The following TMEM132D variants were observed in gnomAD, a reference collection of about 807,000 sequenced individuals.
TMEM132D encodes transmembrane protein 132D, also known as mature OL transmembrane protein.
A neutral mutation model predicts 62.3 loss-of-function variants in TMEM132D; 21 were observed. The observed-to-expected ratio is 0.34, with a 90% confidence interval of 0.24 to 0.49. The LOEUF is 0.49. TMEM132D is among the 20% of genes least tolerant of loss of function. The probability of loss-of-function intolerance (pLI) is 0.99; values close to 1 mark genes in which losing one functional copy is unlikely to be tolerated. For synonymous variants in TMEM132D, 621 were observed against 575.6 expected, an observed-to-expected ratio of 1.08 and a Z score of -1.13; for missense variants, 1,346 against 1,402.8, an observed-to-expected ratio of 0.96 and a Z score of 0.65.
intron 1 of TMEM132D, among the ~76,000 whole-genome samples, chr12:129,766,782 G>A (rs1870567446): frequency 6.6e-6 from 1 of 152,078 alleles, no homozygotes; most frequent in African/African-American, 2.4e-5. Context: ...GCCCCTCTGT[G>A]TTGCCTTTGT....
intron 2 of TMEM132D, among the ~76,000 whole-genome samples, chr12:129,674,733 G>T (rs192798300): frequency 1.3e-5 from 2 of 152,176 alleles, no homozygotes; most frequent in Admixed American, 6.5e-5. Context: ...TACAGATGGG[G>T]TTTCACTATG....
intron 3 of TMEM132D, among the ~76,000 whole-genome samples, chr12:129,463,722 G>C (rs1417949385): frequency 6.6e-6 from 1 of 151,800 alleles, no homozygotes; most frequent in Admixed American, 6.6e-5. Flanking sequence ...AGAACATGCG[G>C]TGTTCGGTTT....
At chr12:129,847,971 C>T (rs1262702417) in intron 1 of TMEM132D, among the ~76,000 whole-genome samples, 2 of 152,076 alleles carry the variant, frequency 1.3e-5, no homozygotes, top group African/African-American at 2.4e-5. Context: ...CACAGCTGAG[C>T]TCATCGGCTC....
intron 2 of TMEM132D, among the ~76,000 whole-genome samples, chr12:129,593,194 CT>C (rs1207574162): frequency 2.0e-5 from 3 of 152,200 alleles, no homozygotes; most frequent in African/African-American, 7.2e-5. Flanking sequence ...TTGGAAAGTC[CT>C]TCTGACTTTC....
rs117653655 is a variant in TMEM132D at position 129,619,588 on chromosome 12, C to A, written c.968+80222G>T. On this transcript the variant is annotated intron_variant, in intron 2 of 8. Coordinates refer to ENST00000422113, the MANE Select transcript of TMEM132D (RefSeq NM_133448.3). ...CACCACCCATTTGATTTTTTAACTT[C>A]CGCCAAATTGCCTTCATTTAAACTC... Among the ~76,000 whole-genome samples the A allele has an allele frequency of 8.3e-4, 127 of 152,282 alleles. No homozygotes were observed. In the East Asian group the frequency reaches 0.02, roughly 23 times the overall value.
chr12:129,430,035 A>G (rs1402403046), intron 3 of TMEM132D, among the ~76,000 whole-genome samples: 1 of 152,160 alleles, frequency 6.6e-6, no homozygotes, highest in Non-Finnish European at 1.5e-5. Flanking sequence ...TAGTGCCACT[A>G]TAAACATACG....
chr12:129,184,053 A>T (rs771853031), intron 5 of TMEM132D, among the ~76,000 whole-genome samples: 63 of 152,158 alleles, frequency 4.1e-4, no homozygotes, highest in Non-Finnish European at 8.7e-4. Flanking sequence ...GAGAAAAAAA[A>T]AGCTAGGCTG....
At chr12:129,830,991 T>A (rs1313801943) in intron 1 of TMEM132D, among the ~76,000 whole-genome samples, 1 of 152,090 alleles carries the variant, frequency 6.6e-6, no homozygotes, top group Non-Finnish European at 1.5e-5. Context: ...CTTCCCTCCC[T>A]CCTGGGCTCA....
chr12:129,769,492 A>C (rs924251056), intron 1 of TMEM132D, among the ~76,000 whole-genome samples: 1 of 152,202 alleles, frequency 6.6e-6, no homozygotes, highest in Non-Finnish European at 1.5e-5. Flanking sequence ...TACGGGAGCT[A>C]CAATTCAAGA....
At chr12:129,607,061 T>C (rs1304444552) in intron 2 of TMEM132D, among the ~76,000 whole-genome samples, 2 of 147,240 alleles carry the variant, frequency 1.4e-5, no homozygotes, top group Non-Finnish European at 3.0e-5. Context: ...TTTTCTTTCT[T>C]TCTTTCTTTC....
At chr12:129,733,664 G>A (rs1488466447) in intron 1 of TMEM132D, among the ~76,000 whole-genome samples, 2 of 150,826 alleles carry the variant, frequency 1.3e-5, no homozygotes, top group Admixed American at 6.6e-5. Context: ...GAAAACAATC[G>A]CTCTGGTTAC....
intron 5 of TMEM132D, among the ~76,000 whole-genome samples, chr12:129,129,217 C>T (rs368978488): frequency 6.6e-6 from 1 of 151,976 alleles, no homozygotes; most frequent in East Asian, 1.9e-4. Flanking sequence ...GTTTAGCTCC[C>T]CCTTATAAGT....
intron 5 of TMEM132D, among the ~76,000 whole-genome samples, chr12:129,123,297 A>G (rs760883302): frequency 2.0e-5 from 3 of 151,968 alleles, no homozygotes; most frequent in Non-Finnish European, 1.5e-5. Context: ...TGCTTATAGA[A>G]TTTTCCAGCT....
Position 129,565,297 on chromosome 12 carries a change from T to G in TMEM132D, c.969-34092A>C, listed in dbSNP as rs777936543. On this transcript the variant is annotated intron_variant, in intron 2 of 8. Transcript: ENST00000422113. ...GAAACCTCACACAGAAGCAGGAAAC[T>G]AGACCTAGACAAAAGCAGGGACTTG... is the stretch of plus-strand genomic sequence containing the variant. 7.2e-5 allele frequency among the ~76,000 whole-genome samples: 11 copies of G among 152,290 alleles called. No homozygotes were observed. The East Asian group carries it at 2.1e-3, about 29-fold the overall frequency.
intron 4 of TMEM132D, among the ~76,000 whole-genome samples, chr12:129,285,897 A>G (rs889225164): frequency 1.2e-4 from 18 of 152,000 alleles, no homozygotes; most frequent in African/African-American, 4.4e-4. Flanking sequence ...TCCAATCTAG[A>G]TTTGCTTTAG....
At chr12:129,574,905 G>A (rs73437702) in intron 2 of TMEM132D, among the ~76,000 whole-genome samples, 4,432 of 151,794 alleles carry the variant, frequency 0.029, 313 homozygotes, top group African/African-American at 0.1. Flanking sequence ...AGAAGCAGCC[G>A]GATTGCCAGG....
At chr12:129,228,697 G>A (rs191646145) in intron 4 of TMEM132D, among the ~76,000 whole-genome samples, 11 of 152,230 alleles carry the variant, frequency 7.2e-5, no homozygotes, top group Middle Eastern at 3.4e-3. Flanking sequence ...TCAGTGTTTC[G>A]TTCCTTTCAC....
At chr12:129,868,913 A>G (rs1276594099) in intron 1 of TMEM132D, among the ~76,000 whole-genome samples, 3 of 152,090 alleles carry the variant, frequency 2.0e-5, no homozygotes. Flanking sequence ...GAAAGAGAAA[A>G]CCAGCTTCGC....
At chr12:129,351,322 G>C (rs1869854840) in intron 3 of TMEM132D, among the ~76,000 whole-genome samples, 1 of 152,130 alleles carries the variant, frequency 6.6e-6, no homozygotes, top group African/African-American at 2.4e-5. Flanking sequence ...GGTTCTATCC[G>C]ATGGCTATAT....
Sources: gnomAD v4.1 joint callset for allele counts (sites outside exome capture counted in the v4.1 genomes callset) on GRCh38, gnomAD v4.1.1 for gene constraint, MANE v1.5 for transcripts, NCBI Gene and HGNC (gene_info 2026-07-23, HGNC 2026-07-21) for gene names.